ANKS1B: variants seen among roughly 807,000 people sequenced by gnomAD.
ANKS1B encodes the protein ankyrin repeat and sterile alpha motif domain containing 1B, also known as ankyrin repeat and sterile alpha motif domain-containing protein 1B.
A neutral mutation model predicts 148.3 loss-of-function variants in ANKS1B; 36 were observed. The observed-to-expected ratio is 0.24, with a 90% CI of 0.19 to 0.32. The LOEUF is 0.32. ANKS1B is among the 10% of genes least tolerant of loss of function. The probability of loss-of-function intolerance (pLI) is 1.00; values close to 1 mark genes in which losing one functional copy is unlikely to be tolerated. For synonymous variants in ANKS1B, 542 were observed against 560.8 expected (o/e 0.97, Z 0.47); for missense variants, 1,157 against 1,542.6 (o/e 0.75, Z 4.19).
intron 16 of ANKS1B, among the ~76,000 whole-genome samples, chr12:99,067,565 C>A (rs575340704): frequency 1.3e-5 from 2 of 152,246 alleles, no homozygotes; most frequent in South Asian, 4.1e-4. Flanking sequence ...CAGAAAAGGG[C>A]AGATGTCTCA....
chr12:99,346,696 A>G (rs1053112769), intron 12 of ANKS1B, among the ~76,000 whole-genome samples: 2 of 152,030 alleles, frequency 1.3e-5, no homozygotes, highest in Non-Finnish European at 2.9e-5. Context: ...GATGTCTGTG[A>G]AATTCTGGGA....
chr12:99,802,901 G>C (rs2067127612), intron 4 of ANKS1B, among the ~76,000 whole-genome samples: 1 of 128,818 alleles, frequency 7.8e-6, no homozygotes, highest in Admixed American at 8.1e-5. Context: ...GGCAGAATAA[G>C]ACCCTGCCTT....
At chr12:99,965,316 G>T (rs961129171) in intron 1 of ANKS1B, among the ~76,000 whole-genome samples, 13 of 152,070 alleles carry the variant, frequency 8.5e-5, no homozygotes, top group African/African-American at 2.9e-4. Context: ...GATAATTTAA[G>T]CATCAAAATT....
At chr12:99,123,519 G>A (rs181774647) in intron 15 of ANKS1B, among the ~76,000 whole-genome samples, 62 of 152,184 alleles carry the variant, frequency 4.1e-4, no homozygotes, top group Admixed American at 1.6e-3. Context: ...AGATCATAAG[G>A]TGAAGTCCCA....
At chr12:99,812,544 C>T (rs1019507690) in intron 2 of ANKS1B, among the ~76,000 whole-genome samples, 3 of 95,138 alleles carry the variant, frequency 3.2e-5, no homozygotes, top group African/African-American at 1.4e-4. Flanking sequence ...CACACACACA[C>T]ACACACACAC....
chr12:98,918,624 T>C (rs1457596066), intron 17 of ANKS1B, among the ~76,000 whole-genome samples: 1 of 152,204 alleles, frequency 6.6e-6, no homozygotes, highest in Admixed American at 6.5e-5. Context: ...GTATGCACAT[T>C]TTAATGCTCT....
chr12:99,465,852 T>A (rs1165853823), intron 10 of ANKS1B, among the ~76,000 whole-genome samples: 1 of 152,140 alleles, frequency 6.6e-6, no homozygotes, highest in Non-Finnish European at 1.5e-5. Flanking sequence ...TGGGAGACTA[T>A]AACACCCCAC....
chr12:99,430,315 G>T (rs912884294), intron 11 of ANKS1B, among the ~76,000 whole-genome samples: 1 of 152,094 alleles, frequency 6.6e-6, no homozygotes, highest in African/African-American at 2.4e-5. Context: ...ATAGGAAACA[G>T]AAGTGACATG....
chr12:98,808,352 C>CA (rs1325906260), intron 19 of ANKS1B, among the ~76,000 whole-genome samples: 4 of 152,122 alleles, frequency 2.6e-5, no homozygotes, highest in Admixed American at 6.5e-5. Flanking sequence ...GCAAACAGTG[C>CA]AATAAAATGA....
intron 12 of ANKS1B, among the ~76,000 whole-genome samples, chr12:99,331,578 A>T (rs2087568578): frequency 6.6e-6 from 1 of 152,060 alleles, no homozygotes; most frequent in Non-Finnish European, 1.5e-5. Context: ...GAGAGCAGCA[A>T]GTCTTTCAGA....
chr12:98,888,876 C>A (rs1314927975), intron 17 of ANKS1B, among the ~76,000 whole-genome samples: 1 of 152,176 alleles, frequency 6.6e-6, no homozygotes, highest in Non-Finnish European at 1.5e-5. Context: ...TTGTATCAAT[C>A]CTCTCCCACT....
At chr12:99,294,663 T>C (rs2080577201) in intron 12 of ANKS1B, among the ~76,000 whole-genome samples, 1 of 152,150 alleles carries the variant, frequency 6.6e-6, no homozygotes, top group African/African-American at 2.4e-5. Context: ...TGCACTTCTT[T>C]TTTTTTTGAG....
chr12:98,851,893 G>T (rs1472467431), intron 17 of ANKS1B, among the ~76,000 whole-genome samples: 1 of 151,872 alleles, frequency 6.6e-6, no homozygotes, highest in African/African-American at 2.4e-5. Flanking sequence ...GCATGGTGGT[G>T]CACGCCTGTA....
At chr12:99,378,330 C>T (rs1023984150) in intron 12 of ANKS1B, among the ~76,000 whole-genome samples, 1 of 152,016 alleles carries the variant, frequency 6.6e-6, no homozygotes, top group South Asian at 2.1e-4. Flanking sequence ...CCACGAAGTT[C>T]TTAAGAATTG....
intron 12 of ANKS1B, among the ~76,000 whole-genome samples, chr12:99,399,301 T>G (rs1435056579): frequency 6.6e-6 from 1 of 152,132 alleles, no homozygotes; most frequent in Non-Finnish European, 1.5e-5. Context: ...CTTCAAAGCA[T>G]CTCTTAATAA....
chr12:99,243,577 C>T lies in ANKS1B; in HGVS notation c.2419+765G>A, dbSNP rs571981961. ...ATGTTACTATGAAGACACATGCACA[C>T]GTATGTTTATTGTGGCACTATTCAC... On this transcript the variant is annotated intron_variant, in intron 14 of 26. Transcript: ENST00000683438. Among the ~76,000 whole-genome samples, 6 of 152,278 alleles carry T rather than the reference C, an allele frequency of 3.9e-5. 1 individual carries two copies. Among genetic ancestry groups the T allele is most frequent in the Admixed American group, 3.9e-4 (6 of 15,292 alleles).
chr12:99,861,797 C>A (rs1160181625), intron 1 of ANKS1B, among the ~76,000 whole-genome samples: 2 of 152,178 alleles, frequency 1.3e-5, no homozygotes, highest in Non-Finnish European at 2.9e-5. Flanking sequence ...TCTACCCATG[C>A]TCCTTTTAAA....
chr12:98,749,572 C>A (rs1026090483), intron 26 of ANKS1B, among the ~76,000 whole-genome samples: 1 of 152,102 alleles, frequency 6.6e-6, no homozygotes, highest in African/African-American at 2.4e-5. Flanking sequence ...GTAGCCGAGA[C>A]CTGAATGACA....
In ANKS1B at chr12:99,246,691, T is replaced by C. The variant is rs376348611; in HGVS notation, c.1930A>G (p.Ser644Gly). The change falls in exon 13 of 27, where the codon AGT (serine) becomes GGT (glycine). Residue 644 changes from serine to glycine, a missense_variant. By Grantham distance (56) the Ser-to-Gly change is moderately conservative. Transcript: ENST00000683438. ...KGQDEVSLAN[S>G]PLPFKQSPIE... ...GGAGACTGCTTGAAAGGCAAAGGACTGTTTGCCAAACTGACTTCATCTTGT... is the reference window on the plus strand; with the variant it reads ...GGAGACTGCTTGAAAGGCAAAGGACCGTTTGCCAAACTGACTTCATCTTGT... The C allele has an allele frequency of 2.4e-5, 39 of 1,613,866 alleles. No homozygotes were observed. The highest frequency in any genetic ancestry group is 2.6e-5 in the Non-Finnish European group (31 of 1,179,886).
Sources: allele counts gnomAD v4.1 joint callset (sites outside exome capture counted in the v4.1 genomes callset), GRCh38; gene constraint gnomAD v4.1.1; transcripts MANE v1.5; gene names NCBI Gene and HGNC (gene_info 2026-07-23, HGNC 2026-07-21).